The following R3HCC1L variants were observed in gnomAD, a reference collection of about 807,000 sequenced individuals.
R3HCC1L encodes the protein coiled-coil domain-containing protein R3HCC1L.
In R3HCC1L, 51 loss-of-function variants were observed where a neutral mutation model predicts 59.9. That is an observed-to-expected ratio of 0.85 (90% CI 0.68 to 1.07). The LOEUF is 1.07. Ranked by LOEUF, R3HCC1L falls within the 50% of genes least tolerant of loss-of-function variation. R3HCC1L has a pLI of 0.00. For missense variants in R3HCC1L, 965 were observed against 933.0 expected (o/e 1.03, Z -0.45); for synonymous variants, 322 against 315.2 (o/e 1.02, Z -0.23).
chr10:98,216,330 A>T (rs985818189), intron 5 of R3HCC1L, among the ~76,000 whole-genome samples: 6 of 152,104 alleles, frequency 3.9e-5, no homozygotes, highest in African/African-American at 1.4e-4. Context: ...CCTAGGCAAC[A>T]TGGCAAAACC....
At chr10:98,159,879 C>T (rs1464725178) in intron 2 of R3HCC1L, among the ~76,000 whole-genome samples, 1 of 152,126 alleles carries the variant, frequency 6.6e-6, no homozygotes, top group Non-Finnish European at 1.5e-5. Context: ...GTCCTGGTTG[C>T]AACTGTTATT....
At chr10:98,152,799 G>A (rs556648364) in intron 1 of R3HCC1L, among the ~76,000 whole-genome samples, 7 of 149,708 alleles carry the variant, frequency 4.7e-5, no homozygotes, top group Admixed American at 2.0e-4. Flanking sequence ...CCCGGCAGCC[G>A]CCCCGTCTGA....
intron 4 of R3HCC1L, among the ~76,000 whole-genome samples, chr10:98,189,599 A>G (rs1850617008): frequency 1.3e-5 from 2 of 152,100 alleles, no homozygotes; most frequent in Admixed American, 1.3e-4. Context: ...TGTAATATAT[A>G]TTTTGTATAA....
chr10:98,144,874 A>G (rs1360090612), intron 1 of R3HCC1L, among the ~76,000 whole-genome samples: 5 of 152,208 alleles, frequency 3.3e-5, no homozygotes, highest in Admixed American at 6.5e-5. Context: ...AAGAGTAACA[A>G]ATTGACTGGA....
At chr10:98,217,797 T>G (rs2135408550) in intron 5 of R3HCC1L, among the ~76,000 whole-genome samples, 1 of 152,296 alleles carries the variant, frequency 6.6e-6, no homozygotes, top group African/African-American at 2.4e-5. Flanking sequence ...AAATGGGATT[T>G]CTTTCTTGAT....
chr10:98,135,099 G>A (rs1309769638), intron 1 of R3HCC1L, among the ~76,000 whole-genome samples: 1 of 152,236 alleles, frequency 6.6e-6, no homozygotes, highest in Non-Finnish European at 1.5e-5. Context: ...GCGGTTTCCG[G>A]GCTTCGCTTC....
intron 6 of R3HCC1L, among the ~76,000 whole-genome samples, chr10:98,233,039 T>G (rs1041932473): frequency 1.3e-5 from 2 of 152,132 alleles, no homozygotes; most frequent in African/African-American, 4.8e-5. Flanking sequence ...TCAGTCTTAC[T>G]TACTAGAATT....
intron 2 of R3HCC1L, among the ~76,000 whole-genome samples, chr10:98,158,612 A>G (rs1008261228): frequency 3.9e-5 from 6 of 152,212 alleles, no homozygotes; most frequent in African/African-American, 1.4e-4. Flanking sequence ...TCTTGTATAT[A>G]AGCCACAGTA....
chr10:98,209,776 A>G lies in R3HCC1L; in HGVS notation c.1662A>G (p.Glu554=). Residue 554 remains glutamate (E), a synonymous_variant, in exon 5 of 10, where the codon GAA becomes GAG. Transcript: ENST00000298999. ...SFPDRESSSM[E]TSIEPKATET... ...CTGATAGGGAATCATCATCTATGGAAACATCCATCGAACCAAAAGCAACTG... is the reference window on the plus strand; with the variant it reads ...CTGATAGGGAATCATCATCTATGGAGACATCCATCGAACCAAAAGCAACTG... 7 of 1,613,836 alleles carry G rather than the reference A, an allele frequency of 4.3e-6. No homozygotes were observed. Among genetic ancestry groups the G allele is most frequent in the Non-Finnish European group, 5.9e-6 (7 of 1,179,778 alleles).
intron 4 of R3HCC1L, among the ~76,000 whole-genome samples, chr10:98,185,790 T>A (rs1372860404): frequency 6.6e-6 from 1 of 152,194 alleles, no homozygotes; most frequent in Non-Finnish European, 1.5e-5. Flanking sequence ...GAGGGTGACA[T>A]CTGACTAGCT....
intron 9 of R3HCC1L, among the ~76,000 whole-genome samples, chr10:98,239,659 T>C (rs1857317933): frequency 6.6e-6 from 1 of 152,094 alleles, no homozygotes; most frequent in South Asian, 2.1e-4. Flanking sequence ...TGATTTTGAG[T>C]TTTAAGTACT....
chr10:98,206,160 T>C (rs933023052), intron 4 of R3HCC1L, among the ~76,000 whole-genome samples: 7 of 152,132 alleles, frequency 4.6e-5, no homozygotes, highest in Non-Finnish European at 1.0e-4. Flanking sequence ...AGCTCTACAT[T>C]GTATGACATA....
intron 4 of R3HCC1L, among the ~76,000 whole-genome samples, chr10:98,171,951 A>G (rs779769209): frequency 3.3e-5 from 5 of 152,172 alleles, no homozygotes; most frequent in Admixed American, 1.3e-4. Context: ...ACTTACTATT[A>G]TGTTTAATAT....
At chr10:98,156,434 T>G (rs1281814782) in intron 2 of R3HCC1L, among the ~76,000 whole-genome samples, 2 of 152,188 alleles carry the variant, frequency 1.3e-5, no homozygotes, top group African/African-American at 2.4e-5. Flanking sequence ...ATTCCTTCAC[T>G]TCTCTCTTGT....
At chr10:98,215,371 A>G (rs931172645) in intron 5 of R3HCC1L, among the ~76,000 whole-genome samples, 1 of 152,074 alleles carries the variant, frequency 6.6e-6, no homozygotes, top group African/African-American at 2.4e-5. Flanking sequence ...TTAATTTTAT[A>G]CATATTGAAA....
intron 4 of R3HCC1L, among the ~76,000 whole-genome samples, chr10:98,185,667 A>G (rs1051546379): frequency 1.3e-5 from 2 of 152,264 alleles, no homozygotes; most frequent in Non-Finnish European, 2.9e-5. Context: ...CAGAAGTGAC[A>G]GAAGGTAAGA....
In R3HCC1L at chr10:98,209,496, A is replaced by G. The variant is rs1476307368; in HGVS notation, c.1382A>G (p.Lys461Arg). The part of the protein sequence containing the change: ...ISSHFTESTG[K>R]LIESLSDCAS... ...TCTCATTTTACAGAGTCAACAGGAAAGTTGATAGAGAGCTTGTCAGATTGT... is the reference window on the plus strand; with the variant it reads ...TCTCATTTTACAGAGTCAACAGGAAGGTTGATAGAGAGCTTGTCAGATTGT... Residue 461 changes from lysine (K) to arginine (R), a missense_variant, in exon 5 of 10, where the codon AAG becomes AGG. Lys to Arg is a conservative substitution (Grantham distance 26). Transcript: ENST00000298999. 1 of 1,613,714 alleles carries G rather than the reference A, an allele frequency of 6.2e-7. No homozygotes were observed. Among genetic ancestry groups the G allele is most frequent in the Non-Finnish European group, 8.5e-7 (1 of 1,179,986 alleles).
At chr10:98,173,306 GC>G (rs2134392578) in intron 4 of R3HCC1L, among the ~76,000 whole-genome samples, 1 of 152,198 alleles carries the variant, frequency 6.6e-6, no homozygotes, top group South Asian at 2.1e-4. Context: ...TGCTCATGTT[GC>G]CTGTCCTGGT....
intron 4 of R3HCC1L, among the ~76,000 whole-genome samples, chr10:98,197,786 G>A (rs535689573): frequency 4.6e-5 from 7 of 152,252 alleles, no homozygotes; most frequent in African/African-American, 1.7e-4. Flanking sequence ...TAATGAAAGT[G>A]TATGTATGTA....
Sources: allele counts gnomAD v4.1 joint callset (sites outside exome capture counted in the v4.1 genomes callset), GRCh38; gene constraint gnomAD v4.1.1; transcripts MANE v1.5; gene names NCBI Gene and HGNC (gene_info 2026-07-23, HGNC 2026-07-21).